The following SYT1 variants were observed in gnomAD, a reference collection of about 807,000 sequenced individuals.
SYT1 encodes synaptotagmin-1.
Under a neutral mutation model 44.8 loss-of-function variants are expected in SYT1, and 8 were observed. That is an observed-to-expected ratio of 0.18 (90% CI 0.10 to 0.32). SYT1 has a LOEUF of 0.32. Among genes scored for constraint, SYT1 ranks in the 10% least tolerant of loss-of-function variants. SYT1 has a pLI of 1.00. For synonymous variants in SYT1, 154 were observed against 188.8 expected, an observed-to-expected ratio of 0.82 and a Z score of 1.51; for missense variants, 286 against 509.3, an observed-to-expected ratio of 0.56 and a Z score of 4.22.
chr12:79,082,352 TC>T (rs1352978767), intron 3 of SYT1, among the ~76,000 whole-genome samples: 13 of 152,144 alleles, frequency 8.5e-5, no homozygotes, highest in African/African-American at 2.4e-4. Flanking sequence ...ATAGCAACTT[TC>T]CAGGGAGAAT....
At chr12:79,220,045 G>C (rs1242359073) in intron 4 of SYT1, among the ~76,000 whole-genome samples, 3 of 152,012 alleles carry the variant, frequency 2.0e-5, no homozygotes, top group African/African-American at 7.2e-5. Context: ...TAGCAATGAA[G>C]ATATAAGGTC....
chr12:79,388,074 C>CTTAATGTCATAAATGTCATAAATG, intron 9 of SYT1, among the ~76,000 whole-genome samples: 1 of 152,276 alleles, frequency 6.6e-6, no homozygotes, highest in East Asian at 1.9e-4. Flanking sequence ...TTGTCATAAA[C>CTTAATGTCATAAATGTCATAAATG]ACTTAATAAA....
At chr12:79,058,155 T>C (rs912310258) in intron 3 of SYT1, among the ~76,000 whole-genome samples, 2 of 151,958 alleles carry the variant, frequency 1.3e-5, no homozygotes, top group Admixed American at 6.6e-5. Flanking sequence ...ATACAAGCAG[T>C]CCCCAACTTA....
At chr12:79,037,833 T>C (rs1873237155) in intron 2 of SYT1, among the ~76,000 whole-genome samples, 1 of 151,842 alleles carries the variant, frequency 6.6e-6, no homozygotes, top group South Asian at 2.1e-4. Flanking sequence ...TACCTAATAC[T>C]CTTTAGTAGT....
intron 8 of SYT1, among the ~76,000 whole-genome samples, chr12:79,322,759 T>C (rs993081361): frequency 6.6e-6 from 1 of 152,100 alleles, no homozygotes; most frequent in African/African-American, 2.4e-5. Context: ...TGAGTATTTA[T>C]TAATTAAGGG....
chr12:79,323,005 C>T (rs1352875297), intron 8 of SYT1, among the ~76,000 whole-genome samples: 2 of 152,102 alleles, frequency 1.3e-5, no homozygotes, highest in East Asian at 3.9e-4. Context: ...AAGGTGATCT[C>T]CCGTGGGATC....
At chr12:79,319,946 G>A (rs1881275091) in intron 8 of SYT1, among the ~76,000 whole-genome samples, 3 of 152,168 alleles carry the variant, frequency 2.0e-5, no homozygotes, top group Admixed American at 6.5e-5. Flanking sequence ...CTAAAGATCA[G>A]TGAAGTGTGT....
At chr12:79,312,698 T>C (rs535902582) in intron 8 of SYT1, among the ~76,000 whole-genome samples, 1 of 152,196 alleles carries the variant, frequency 6.6e-6, no homozygotes, top group South Asian at 2.1e-4. Flanking sequence ...TATTTTTTCC[T>C]TTTTTCTTCA....
chr12:78,982,411 G>A (rs565404228), intron 2 of SYT1, among the ~76,000 whole-genome samples: 1 of 152,226 alleles, frequency 6.6e-6, no homozygotes, highest in African/African-American at 2.4e-5. Context: ...AGAGACAGGT[G>A]AATAAGATTG....
chr12:79,107,657 A>C (rs947348624), intron 3 of SYT1, among the ~76,000 whole-genome samples: 2 of 152,052 alleles, frequency 1.3e-5, no homozygotes, highest in African/African-American at 4.8e-5. Flanking sequence ...TATGCATAGA[A>C]TACCCCAGAG....
intron 4 of SYT1, among the ~76,000 whole-genome samples, chr12:79,281,146 A>T (rs1879032127): frequency 6.6e-6 from 1 of 152,068 alleles, no homozygotes; most frequent in Admixed American, 6.6e-5. Context: ...AATCCCACTA[A>T]TGGATATCTA....
chr12:79,073,143 C>T (rs1409721727), intron 3 of SYT1, among the ~76,000 whole-genome samples: 1 of 151,920 alleles, frequency 6.6e-6, no homozygotes, highest in Non-Finnish European at 1.5e-5. Context: ...CACTCTGTTG[C>T]CATGCTGGGG....
At chr12:78,959,213 C>G (rs1299596481) in intron 1 of SYT1, among the ~76,000 whole-genome samples, 2 of 152,098 alleles carry the variant, frequency 1.3e-5, no homozygotes, top group Admixed American at 1.3e-4. Context: ...TAAAAAAATA[C>G]AGCATGTATA....
At chr12:79,374,112 G>A (rs569424710) in intron 9 of SYT1, among the ~76,000 whole-genome samples, 1 of 152,284 alleles carries the variant, frequency 6.6e-6, no homozygotes, top group East Asian at 1.9e-4. Context: ...AGGAAACCTT[G>A]AGTACTGCGT....
intron 4 of SYT1, among the ~76,000 whole-genome samples, chr12:79,278,198 G>T (rs1878841917): frequency 6.6e-6 from 1 of 151,980 alleles, no homozygotes; most frequent in Non-Finnish European, 1.5e-5. Flanking sequence ...TGCCCCAAAA[G>T]TGCAGCATAT....
At chr12:79,265,709 T>C (rs541200627) in intron 4 of SYT1, among the ~76,000 whole-genome samples, 39 of 152,290 alleles carry the variant, frequency 2.6e-4, no homozygotes, top group African/African-American at 8.4e-4. Flanking sequence ...TTAGCTACTT[T>C]AGCTATTCTA....
chr12:78,875,706 C>A (rs1327188294), intron 1 of SYT1, among the ~76,000 whole-genome samples: 3 of 151,680 alleles, frequency 2.0e-5, no homozygotes, highest in African/African-American at 7.3e-5. Flanking sequence ...TGTCTCATTT[C>A]TGTGTAATAT....
At chr12:79,222,328 A>G (rs1027380413) in intron 4 of SYT1, among the ~76,000 whole-genome samples, 1 of 151,798 alleles carries the variant, frequency 6.6e-6, no homozygotes, top group African/African-American at 2.4e-5. Flanking sequence ...CTGGATACTT[A>G]CATCTTTCTC....
chr12:79,086,308 C>T (rs904999940), intron 3 of SYT1, among the ~76,000 whole-genome samples: 1 of 151,928 alleles, frequency 6.6e-6, no homozygotes, highest in Admixed American at 6.6e-5. Flanking sequence ...TTTTAGCCTC[C>T]GTCATTTTTC....
Sources: gnomAD v4.1 joint callset for allele counts (sites outside exome capture counted in the v4.1 genomes callset) on GRCh38, gnomAD v4.1.1 for gene constraint, MANE v1.5 for transcripts, NCBI Gene and HGNC (gene_info 2026-07-23, HGNC 2026-07-21) for gene names.